Variants in GABBR2 observed in about 807,000 individuals in gnomAD.
The protein encoded by GABBR2 is gamma-aminobutyric acid type B receptor subunit 2, also known as G-protein coupled receptor 51.
A neutral mutation model predicts 105.6 loss-of-function variants in GABBR2; 23 were observed. The ratio of observed to expected loss-of-function variants is 0.22; its 90% CI spans 0.16 to 0.31. The LOEUF (loss-of-function observed/expected upper bound fraction) is 0.31, where lower values mean the gene tolerates loss of function less well. Ranked by LOEUF, GABBR2 falls within the 10% of genes least tolerant of loss-of-function variation. The pLI is 1.00. For synonymous variants in GABBR2, 478 were observed against 499.7 expected (o/e 0.96, Z 0.58); for missense variants, 734 against 1,245.5 (o/e 0.59, Z 6.18).
chr9:98,525,649 G>T (rs571298932), intron 3 of GABBR2, among the ~76,000 whole-genome samples: 1 of 152,268 alleles, frequency 6.6e-6, no homozygotes, highest in East Asian at 1.9e-4. Flanking sequence ...AAATGACCCA[G>T]CAATTCCACT....
chr9:98,549,566 A>C (rs543434064), intron 2 of GABBR2, among the ~76,000 whole-genome samples: 1 of 152,348 alleles, frequency 6.6e-6, no homozygotes, highest in South Asian at 2.1e-4. Flanking sequence ...TGGTACCATC[A>C]AACTGCTCTC....
At chr9:98,703,810 A>AAT (rs1003793818) in intron 1 of GABBR2, among the ~76,000 whole-genome samples, 4 of 151,318 alleles carry the variant, frequency 2.6e-5, no homozygotes, top group African/African-American at 9.7e-5. Flanking sequence ...TTTATTTTTA[A>AAT]ATAAAAATAA....
intron 1 of GABBR2, among the ~76,000 whole-genome samples, chr9:98,635,423 G>A (rs1169277253): frequency 6.6e-6 from 1 of 152,194 alleles, no homozygotes; most frequent in Non-Finnish European, 1.5e-5. Context: ...GGGACACTCA[G>A]AGGGCTAGAG....
intron 1 of GABBR2, among the ~76,000 whole-genome samples, chr9:98,696,211 A>C (rs1830749188): frequency 6.6e-6 from 1 of 152,246 alleles, no homozygotes; most frequent in Non-Finnish European, 1.5e-5. Flanking sequence ...AAGATGAAGA[A>C]AGGTGGCAAG....
intron 9 of GABBR2, among the ~76,000 whole-genome samples, chr9:98,392,464 T>A (rs1342758393): frequency 1.3e-5 from 2 of 152,208 alleles, no homozygotes; most frequent in Non-Finnish European, 2.9e-5. Flanking sequence ...CTTGACGATA[T>A]GTCTGGTGAC....
chr9:98,676,031 C>T (rs1275331961), intron 1 of GABBR2, among the ~76,000 whole-genome samples: 2 of 152,170 alleles, frequency 1.3e-5, no homozygotes, highest in Non-Finnish European at 2.9e-5. Flanking sequence ...GATATGTTAC[C>T]TTGCATGGCA....
intron 7 of GABBR2, among the ~76,000 whole-genome samples, chr9:98,435,050 G>A (rs1034575861): frequency 6.6e-6 from 1 of 152,164 alleles, no homozygotes; most frequent in Non-Finnish European, 1.5e-5. Context: ...AAAGCCTAAA[G>A]GGCCAGGCTC....
intron 13 of GABBR2, 22 bp from the exon 14 acceptor site, chr9:98,311,227 A>G: frequency 6.8e-7 from 1 of 1,463,184 alleles, no homozygotes; most frequent in South Asian, 1.1e-5. Flanking sequence ...GAAAACAGAG[A>G]CTCAGGGATG....
intron 8 of GABBR2, 86 bp from the exon 9 acceptor site, chr9:98,394,341 A>T: frequency 1.1e-6 from 1 of 895,364 alleles, no homozygotes; most frequent in Non-Finnish European, 1.9e-6. Context: ...TGCTCCCCTC[A>T]CAGGCCCTGG....
chr9:98,562,579 CTG>C lies in GABBR2; in HGVS notation c.459+15354_459+15355del, dbSNP rs555315356. ...CATGCTTCAACAAAAAAATCAGTGA[CTG>C]TGTGAGCGTGTGTGTGGGGGTGGTG... On this transcript the variant is annotated intron_variant, in intron 2 of 18. Coordinates refer to ENST00000259455, the MANE Select transcript of GABBR2 (RefSeq NM_005458.8). 3.8e-3 allele frequency among the ~76,000 whole-genome samples: 576 copies of C among 152,218 alleles called. 2 individuals carry two copies. The highest frequency in any genetic ancestry group is 0.013 in the African/African-American group (540 of 41,548).
At chr9:98,421,726 C>T (rs1487834711) in intron 7 of GABBR2, among the ~76,000 whole-genome samples, 1 of 152,100 alleles carries the variant, frequency 6.6e-6, no homozygotes, top group Non-Finnish European at 1.5e-5. Context: ...AAAAACATGG[C>T]ACCATAAATC....
chr9:98,437,569 C>CCATCCACCCACAAACT (rs1206647647), intron 7 of GABBR2, among the ~76,000 whole-genome samples: 5 of 152,024 alleles, frequency 3.3e-5, no homozygotes, highest in African/African-American at 1.2e-4. Flanking sequence ...TTTCATCCAT[C>CCATCCACCCACAAACT]CATCCACCCA....
intron 1 of GABBR2, among the ~76,000 whole-genome samples, chr9:98,683,584 G>A (rs1435488645): frequency 8.5e-5 from 13 of 152,050 alleles, no homozygotes; most frequent in Non-Finnish European, 1.3e-4. Context: ...CTCTGGCCCA[G>A]CCAATGCTAG....
intron 11 of GABBR2, chr9:98,375,372 A>C (rs564446168): frequency 6.6e-6 from 1 of 152,100 alleles, no homozygotes; most frequent in South Asian, 2.1e-4. Context: ...CTTCCTCCTC[A>C]TGACTTCTGC....
At chr9:98,484,321 A>G (rs1354589478) in intron 4 of GABBR2, among the ~76,000 whole-genome samples, 2 of 152,182 alleles carry the variant, frequency 1.3e-5, no homozygotes, top group African/African-American at 4.8e-5. Context: ...ATCTCTTCCC[A>G]GAGAGGTACA....
At chr9:98,484,772 C>A (rs1588187923) in intron 4 of GABBR2, among the ~76,000 whole-genome samples, 1 of 152,318 alleles carries the variant, frequency 6.6e-6, no homozygotes, top group East Asian at 1.9e-4. Flanking sequence ...TTTGGGGAAT[C>A]TTAATAGTTT....
At chr9:98,437,994 A>G (rs1825957843) in intron 7 of GABBR2, among the ~76,000 whole-genome samples, 1 of 150,470 alleles carries the variant, frequency 6.6e-6, no homozygotes, top group African/African-American at 2.5e-5. Flanking sequence ...ATACTCATTC[A>G]TTTATCCAAC....
chr9:98,445,275 C>T (rs1484244110), intron 7 of GABBR2, among the ~76,000 whole-genome samples: 1 of 152,158 alleles, frequency 6.6e-6, no homozygotes, highest in East Asian at 1.9e-4. Context: ...CTCCTACAGG[C>T]TACTGCAACT....
rs201591964 is a variant in GABBR2, at chr9:98,306,012, T to TA, written c.2229+108dup. On this transcript the variant is annotated intron_variant, in intron 15 of 18. Transcript: ENST00000259455. This position sits in a 1 kb window ranked among gnomAD's most constrained non-coding sequence, Gnocchi z 5.4. ...TCTATAATGTGAATTGTCTTCATCA[T>TA]AAAAAAAAAAAGGAATGGGTAAACC... 0.039 allele frequency: 19,333 copies of TA among 495,642 alleles called. 3 individuals are homozygous for TA. Among genetic ancestry groups the TA allele is most frequent in the Non-Finnish European group, 0.043 (12,263 of 287,586 alleles). The allele number at this position is 495,642 out of a possible 1,614,324, so 30.7% of individuals were successfully genotyped here. A position where few individuals can be genotyped will look rare whatever the true frequency, so the allele number is the denominator to read the frequency against.
Sources: allele counts gnomAD v4.1 joint callset (sites outside exome capture counted in the v4.1 genomes callset), GRCh38; gene constraint gnomAD v4.1.1; non-coding constraint Gnocchi (gnomAD v3.1); transcripts MANE v1.5; gene names NCBI Gene and HGNC (gene_info 2026-07-23, HGNC 2026-07-21).